CCNI2: variants seen among roughly 807,000 people sequenced by gnomAD.
CCNI2 encodes the protein cyclin I family member 2.
CCNI2 carries 32 observed loss-of-function variants against 33.2 expected under a neutral mutation model. The observed-to-expected ratio is 0.96, with a 90% CI of 0.73 to 1.30. The LOEUF (loss-of-function observed/expected upper bound fraction) is 1.30. Among genes scored for constraint, CCNI2 ranks in the 50% most tolerant of loss-of-function variants. The pLI, the probability that CCNI2 is intolerant of heterozygous loss-of-function variation, is 0.00. For missense variants in CCNI2, 452 were observed against 486.2 expected (o/e 0.93, Z 0.66); for synonymous variants, 231 against 219.9 (o/e 1.05, Z -0.45).
Position 132,753,766 on chromosome 5 carries a change from C to G in CCNI2, c.*796C>G, listed in dbSNP as rs1755065118. 1 of 152,376 alleles carries G rather than the reference C, an allele frequency of 6.6e-6. No individual in the cohort carries two copies. 9.4% of individuals were successfully genotyped at this position (152,376 alleles called of 1,614,324 possible). A position where few individuals can be genotyped will look rare whatever the true frequency, so the allele number is the denominator to read the frequency against. On this transcript the variant is annotated 3_prime_UTR_variant, in exon 6 of 6. Transcript: ENST00000378731. ...AGCAGGTTCTGAGGCCAAGCCTGCTCCAACCACAGTGCTGCCAGGAGGAGG... is the reference window on the plus strand; with the variant it reads ...AGCAGGTTCTGAGGCCAAGCCTGCTGCAACCACAGTGCTGCCAGGAGGAGG...
chr5:132,750,656 T>C (rs1352786609), intron 3 of CCNI2, among the ~76,000 whole-genome samples: 1 of 152,192 alleles, frequency 6.6e-6, no homozygotes, highest in Non-Finnish European at 1.5e-5. Context: ...AGGGGGACCA[T>C]GTGATGTTCA....
rs1754650370 is a variant in CCNI2 at position 132,747,728 on chromosome 5, C to G, written c.233C>G (p.Pro78Arg). The change falls in exon 1 of 6, where the codon CCC becomes CGC. Residue 78 changes from proline to arginine, a missense_variant. Coordinates refer to ENST00000378731, the MANE Select transcript of CCNI2 (RefSeq NM_001039780.4). The surrounding 1 kb of genome is among the most constrained non-coding windows in gnomAD (Gnocchi z 4.1). Reference sequence around the variant, plus strand: ...GCGTCCGCAGCAGTCCCCGTGCGGCCCCGGCGCGGTACGGCGCCAGCCGGG... The same window carrying G: ...GCGTCCGCAGCAGTCCCCGTGCGGCGCCGGCGCGGTACGGCGCCAGCCGGG... ...HAASAAVPVR[P>R]RRGTAPAGKT... The G allele has an allele frequency of 6.8e-7, 1 of 1,481,230 alleles. No homozygotes were observed. Among genetic ancestry groups the G allele is most frequent in the African/African-American group, 1.5e-5 (1 of 68,410 alleles). The allele number at this position is 1,481,230 out of a possible 1,614,324, so 91.8% of individuals were successfully genotyped here.
rs573466381 is a variant in CCNI2, at chr5:132,751,517, T to C, written c.775-449T>C. 9 of 194,628 alleles carry C rather than the reference T, an allele frequency of 4.6e-5. No individual in the cohort carries two copies. In the South Asian group the frequency reaches 8.1e-4, roughly 18 times the overall value. The allele number at this position is 194,628 out of a possible 1,614,324, so 12.1% of individuals were successfully genotyped here. A position where few individuals can be genotyped will look rare whatever the true frequency, so the allele number is the denominator to read the frequency against. The stretch of plus-strand genomic sequence containing the variant: ...CTGTTAGTAAGGCAAAATTATGCAA[T>C]GTGGAAATCTCATGGGGTTTTGGTT... On this transcript the variant is annotated intron_variant, in intron 4 of 5. Transcript: ENST00000378731.
At chr5:132,752,622 A>G (rs1291198263) in intron 5 of CCNI2, among the ~76,000 whole-genome samples, 1 of 152,178 alleles carries the variant, frequency 6.6e-6, no homozygotes, top group African/African-American at 2.4e-5. Context: ...TGGGGGCACA[A>G]GGAGGAGAGG....
intron 3 of CCNI2, among the ~76,000 whole-genome samples, chr5:132,750,333 C>T (rs1159437065): frequency 4.6e-5 from 7 of 152,122 alleles, no homozygotes; most frequent in Non-Finnish European, 1.0e-4. Context: ...TGGGAAAAGC[C>T]ATAGTTTTTC....
rs754169827 is a variant in CCNI2 at position 132,752,887 on chromosome 5, T to C, written c.1027T>C (p.Cys343Arg). 125 of 1,614,016 alleles carry C rather than the reference T, an allele frequency of 7.7e-5. No homozygotes were observed. The highest frequency in any genetic ancestry group is 1.0e-4 in the Non-Finnish European group (121 of 1,179,998). The change falls in exon 6 of 6, where the codon TGC becomes CGC. Residue 343 changes from cysteine to arginine, a missense_variant. Coordinates refer to ENST00000378731, the MANE Select transcript of CCNI2 (RefSeq NM_001039780.4). ...ACAGGTTGGTGATATGCAGTACAGC[T>C]GCTGCAAGGAACTTGTAATGCAGCA... is the stretch of plus-strand genomic sequence containing the variant. ...KAQVGDMQYS[C>R]CKELVMQQLR...
At chr5:132,751,850 G>T in intron 4 of CCNI2, 116 bp from the exon 5 acceptor site, 2 of 1,252,808 alleles carry the variant, frequency 1.6e-6, no homozygotes, top group Non-Finnish European at 2.2e-6. Flanking sequence ...GGAATGAAAA[G>T]GGTTGGGCAA....
chr5:132,755,084 A>G (rs1388695297), downstream of CCNI2, among the ~76,000 whole-genome samples: 1 of 152,080 alleles, frequency 6.6e-6, no homozygotes, highest in East Asian at 1.9e-4. Context: ...TCTGTCCTTC[A>G]AAGCTTGGTG....
chr5:132,753,692 C>T lies in CCNI2; in HGVS notation c.*722C>T, dbSNP rs999456541. 8.5e-5 allele frequency: 13 copies of T among 152,462 alleles called. No individual in the cohort carries two copies. The highest frequency in any genetic ancestry group is 1.8e-4 in the Non-Finnish European group (12 of 68,238). 9.4% of individuals were successfully genotyped at this position (152,462 alleles called of 1,614,324 possible). A position where few individuals can be genotyped will look rare whatever the true frequency, so the allele number is the denominator to read the frequency against. On this transcript the variant is annotated 3_prime_UTR_variant, in exon 6 of 6. Transcript: ENST00000378731. ...TGTGCTAATGAATGGGTATTATAGG[C>T]TAACACCTGTGATGGGAGGCACAGC...
In CCNI2 at chr5:132,747,875, A is replaced by G; in HGVS notation, c.380A>G (p.Gln127Arg). The part of the protein sequence containing the change: ...LDERRLLCHL[Q>R]LAQDREARLW... ...GAGCGCCGGCTGCTCTGCCACTTGCAGCTGGCCCAGGACCGCGAGGCGCGC... is the reference window on the plus strand; with the variant it reads ...GAGCGCCGGCTGCTCTGCCACTTGCGGCTGGCCCAGGACCGCGAGGCGCGC... Residue 127 changes from glutamine (Q) to arginine (R), a missense_variant, in exon 1 of 6, where the codon CAG (glutamine) becomes CGG (arginine). Physicochemically the swap from Gln to Arg is conservative, Grantham distance 43. Coordinates refer to ENST00000378731, the MANE Select transcript of CCNI2 (RefSeq NM_001039780.4). This position sits in a 1 kb window ranked among gnomAD's most constrained non-coding sequence, Gnocchi z 4.1. 6.9e-7 allele frequency: 1 copy of G among 1,455,342 alleles called. No homozygotes were observed. The highest frequency in any genetic ancestry group is 1.4e-5 in the South Asian group (1 of 73,164). 90.2% of individuals were successfully genotyped at this position (1,455,342 alleles called of 1,614,324 possible).
intron 4 of CCNI2, chr5:132,751,243 A>G (rs1754819296): frequency 4.8e-6 from 2 of 420,270 alleles, no homozygotes; most frequent in Non-Finnish European, 8.4e-6. Context: ...AGACGGCACT[A>G]TTATGGTGAG....
chr5:132,755,828 C>G (rs1460257883), downstream of CCNI2, among the ~76,000 whole-genome samples: 1 of 152,164 alleles, frequency 6.6e-6, no homozygotes, highest in Non-Finnish European at 1.5e-5. Context: ...ATGCAAGAGC[C>G]TTTCACAGAT....
chr5:132,747,730 C>G lies in CCNI2; in HGVS notation c.235C>G (p.Arg79Gly), dbSNP rs1024410863. ...GTCCGCAGCAGTCCCCGTGCGGCCC[C>G]GGCGCGGTACGGCGCCAGCCGGGAA... ...AASAAVPVRP[R>G]RGTAPAGKTA... is the part of the protein sequence containing the mutation. The change falls in exon 1 of 6, where the codon CGG (arginine) becomes GGG (glycine). Residue 79 changes from arginine to glycine, a missense_variant. By Grantham distance (125) the Arg-to-Gly change is moderately radical. Coordinates refer to ENST00000378731, the MANE Select transcript of CCNI2 (RefSeq NM_001039780.4). This position sits in a 1 kb window ranked among gnomAD's most constrained non-coding sequence, Gnocchi z 4.1. 4.8e-6 allele frequency: 7 copies of G among 1,471,532 alleles called. No homozygotes were observed. The Admixed American group carries it at 1.7e-4, about 36-fold the overall frequency. The allele number at this position is 1,471,532 out of a possible 1,614,324, so 91.2% of individuals were successfully genotyped here. A position where few individuals can be genotyped will look rare whatever the true frequency, so the allele number is the denominator to read the frequency against.
Position 132,754,274 on chromosome 5 carries a change from A to G in CCNI2, c.*1304A>G. ...ATCAAGAACTCTCCTCTAGTCCAGA[A>G]CCCATTTTACAGATGGAGATGCTGA... On this transcript the variant is annotated 3_prime_UTR_variant, in exon 6 of 6. Coordinates refer to ENST00000378731, the MANE Select transcript of CCNI2 (RefSeq NM_001039780.4). 1.6e-6 allele frequency: 1 copy of G among 642,050 alleles called. No homozygotes were observed. The highest frequency in any genetic ancestry group is 2.9e-6 in the Non-Finnish European group (1 of 350,598). The allele number at this position is 642,050 out of a possible 1,614,324, so 39.8% of individuals were successfully genotyped here. A position where few individuals can be genotyped will look rare whatever the true frequency, so the allele number is the denominator to read the frequency against.
At chr5:132,756,004 T>G (rs1755295029), downstream of CCNI2, 1 of 984,342 alleles carries the variant, frequency 1.0e-6, no homozygotes, top group Non-Finnish European at 1.2e-6. Flanking sequence ...CCACAAAAAC[T>G]CAAAATAAAT....
Position 132,747,899 on chromosome 5 carries a change from G to A in CCNI2, c.404G>A (p.Arg135His), listed in dbSNP as rs1036268551. 7.9e-6 allele frequency: 11 copies of A among 1,392,626 alleles called. No individual in the cohort carries two copies. The African/African-American group carries it at 1.1e-4, about 13-fold the overall frequency. The allele number at this position is 1,392,626 out of a possible 1,614,324, so 86.3% of individuals were successfully genotyped here. Residue 135 changes from arginine to histidine, a missense_variant, in exon 1 of 6, where the codon CGC becomes CAC. By Grantham distance (29) the Arg-to-His change is conservative (BLOSUM62 0). Transcript: ENST00000378731. The surrounding 1 kb of genome is among the most constrained non-coding windows in gnomAD (Gnocchi z 4.1). Reference protein sequence around the residue: ...HLQLAQDREARLWRGGKPQDE... With the variant: ...HLQLAQDREAHLWRGGKPQDE... Reference sequence around the variant, plus strand: ...CAGCTGGCCCAGGACCGCGAGGCGCGCCTGTGGCGGGGCGGCAAACCCCAG... The same window carrying A: ...CAGCTGGCCCAGGACCGCGAGGCGCACCTGTGGCGGGGCGGCAAACCCCAG...
chr5:132,750,282 C>T (rs1261647294), intron 3 of CCNI2, among the ~76,000 whole-genome samples: 1 of 152,094 alleles, frequency 6.6e-6, no homozygotes, highest in African/African-American at 2.4e-5. Flanking sequence ...GTACTTGGTA[C>T]TCAAATGTTT....
intron 3 of CCNI2, 55 bp from the exon 4 acceptor site, chr5:132,750,802 C>G: frequency 6.3e-7 from 1 of 1,578,316 alleles, no homozygotes; most frequent in Non-Finnish European, 8.6e-7. Flanking sequence ...GGTAAGAAAA[C>G]AAAAGCTACT....
Position 132,751,995 on chromosome 5 carries a change from C to T in CCNI2, c.804C>T (p.Pro268=). 1 of 1,612,066 alleles carries T rather than the reference C, an allele frequency of 6.2e-7. No homozygotes were observed. Among genetic ancestry groups the T allele is most frequent in the Non-Finnish European group, 8.5e-7 (1 of 1,179,342 alleles). The change falls in exon 5 of 6, where the codon CCC becomes CCT. Residue 268 remains proline (P), a synonymous_variant. Transcript: ENST00000378731. The part of the protein sequence containing the change: ...IFHALVVLSW[P]HVLELLPQRN... The stretch of plus-strand genomic sequence containing the variant: ...ATGCCCTGGTGGTCCTGAGCTGGCC[C>T]CATGTGTTGGAGCTGCTGCCTCAGA...
Sources: gnomAD v4.1 joint callset for allele counts (sites outside exome capture counted in the v4.1 genomes callset) on GRCh38, gnomAD v4.1.1 for gene constraint, Gnocchi (gnomAD v3.1) non-coding constraint, MANE v1.5 for transcripts, NCBI Gene and HGNC (gene_info 2026-07-23, HGNC 2026-07-21) for gene names.